PCDHA9: variants seen among roughly 807,000 people sequenced by gnomAD.
PCDHA9 encodes the protein protocadherin alpha-9.
A neutral mutation model predicts 62.0 loss-of-function variants in PCDHA9; 62 were observed. The ratio of observed to expected loss-of-function variants is 1.00; its 90% CI spans 0.81 to 1.23. The LOEUF is 1.23. PCDHA9 is among the 50% of genes most tolerant of loss of function. The pLI, the probability that PCDHA9 is intolerant of heterozygous loss-of-function variation, is 0.00. For synonymous variants in PCDHA9, 557 were observed against 567.6 expected (o/e 0.98, Z 0.27); for missense variants, 1,205 against 1,249.8 (o/e 0.96, Z 0.54).
intron 3 of PCDHA9, among the ~76,000 whole-genome samples, chr5:140,983,005 A>G (rs1468544114): frequency 2.0e-5 from 3 of 152,110 alleles, no homozygotes; most frequent in African/African-American, 4.8e-5. Flanking sequence ...AAAGAAAGAA[A>G]AAGGAAGGAA....
intron 1 of PCDHA9, chr5:140,870,983 C>T (rs1554164955): frequency 1.2e-6 from 2 of 1,613,520 alleles, no homozygotes; most frequent in East Asian, 2.2e-5. Context: ...GGGCTGTACA[C>T]GGGCGAGATA....
rs782552456 is a variant in PCDHA9, at chr5:140,870,511, G to T, written c.2394+19622G>T. On this transcript the variant is annotated intron_variant, in intron 1 of 3. Transcript: ENST00000532602. ...GTTCGTGAAGGAGAACAACCCACCA[G>T]GCTGCCACATCTTCACAGTGTCGGC... 9.9e-6 allele frequency: 16 copies of T among 1,614,242 alleles called. No homozygotes were observed. The highest frequency in any genetic ancestry group is 1.3e-5 in the Non-Finnish European group (15 of 1,180,048).
intron 1 of PCDHA9, among the ~76,000 whole-genome samples, chr5:140,894,577 T>A (rs1409232453): frequency 4.6e-5 from 7 of 152,030 alleles, no homozygotes; most frequent in African/African-American, 9.6e-5. Flanking sequence ...TCCTTTTTTT[T>A]AATATTTTAC....
chr5:140,996,678 G>T (rs922990686), intron 3 of PCDHA9, among the ~76,000 whole-genome samples: 28 of 152,162 alleles, frequency 1.8e-4, no homozygotes, highest in African/African-American at 6.7e-4. Context: ...AACCATGTTG[G>T]GCTAGTATTC....
intron 1 of PCDHA9, chr5:140,967,330 C>G: frequency 6.2e-7 from 1 of 1,608,074 alleles, no homozygotes; most frequent in South Asian, 1.1e-5. Context: ...ACGAGCTCAG[C>G]CCCAGCGAGC....
intron 1 of PCDHA9, among the ~76,000 whole-genome samples, chr5:140,878,864 A>G (rs1465235970): frequency 1.3e-5 from 2 of 152,152 alleles, no homozygotes; most frequent in Non-Finnish European, 2.9e-5. Flanking sequence ...CTGATCCTCC[A>G]TTTCAGCCTT....
In PCDHA9 at chr5:140,849,616, T is replaced by G; in HGVS notation, c.1121T>G (p.Val374Gly). The part of the protein sequence containing the change: ...QLGTVIALIS[V>G]IDLDADANGQ... ...GGGACAGTTATTGCCCTGATTAGTG[T>G]GATCGACCTAGACGCAGATGCCAAC... The change falls in exon 1 of 4, where the codon GTG (valine) becomes GGG (glycine). Residue 374 changes from valine to glycine, a missense_variant. Transcript: ENST00000532602. 1 of 1,598,694 alleles carries G rather than the reference T, an allele frequency of 6.3e-7. No individual in the cohort carries two copies. Among genetic ancestry groups the G allele is most frequent in the South Asian group, 1.1e-5 (1 of 90,564 alleles).
At chr5:140,869,179 G>A (rs782530772) in intron 1 of PCDHA9, 12 of 1,613,988 alleles carry the variant, frequency 7.4e-6, no homozygotes, top group Middle Eastern at 1.7e-4. Context: ...ATTCTGGGAG[G>A]TGGGGAGCGG....
At chr5:140,928,942 T>G in intron 1 of PCDHA9, 1 of 1,614,062 alleles carries the variant, frequency 6.2e-7, no homozygotes, top group Non-Finnish European at 8.5e-7. Flanking sequence ...GAACTTGTAT[T>G]TAGTAATTGC....
intron 1 of PCDHA9, among the ~76,000 whole-genome samples, chr5:140,910,781 A>G (rs1402088509): frequency 3.9e-5 from 6 of 152,220 alleles, no homozygotes; most frequent in Non-Finnish European, 8.8e-5. Flanking sequence ...AAGCTGCAAC[A>G]TTAAATGCAG....
chr5:140,871,561 T>C, intron 1 of PCDHA9: 1 of 1,485,946 alleles, frequency 6.7e-7, no homozygotes, highest in Non-Finnish European at 9.0e-7. Context: ...CAGTTTTTTT[T>C]CACGGATTTT....
chr5:140,883,071 A>T, intron 1 of PCDHA9: 1 of 1,614,116 alleles, frequency 6.2e-7, no homozygotes, highest in Non-Finnish European at 8.5e-7. Context: ...AATGCCACAG[A>T]TCCTGATGAT....
At chr5:140,858,437 G>C (rs1343643925) in intron 1 of PCDHA9, 1 of 1,541,950 alleles carries the variant, frequency 6.5e-7, no homozygotes, top group South Asian at 1.2e-5. Context: ...CTCTAGGAAG[G>C]TGGGTTATTA....
intron 1 of PCDHA9, among the ~76,000 whole-genome samples, chr5:140,963,211 G>A (rs185560728): frequency 0.016 from 2,496 of 152,042 alleles, 69 homozygotes; most frequent in African/African-American, 0.056. Flanking sequence ...AAAAAACCTC[G>A]TGTTTAGAGT....
At chr5:140,860,361 A>G (rs2046358077) in intron 1 of PCDHA9, 2 of 152,182 alleles carry the variant, frequency 1.3e-5, no homozygotes, top group African/African-American at 4.8e-5. Flanking sequence ...AGCCTGGATG[A>G]CAAAGTGAGA....
Position 140,848,760 on chromosome 5 carries a change from C to T in PCDHA9, c.265C>T (p.Arg89Trp), listed in dbSNP as rs2150419620. ...LQNGILFVNS[R>W]IDREELCGRS... Reference sequence around the variant, plus strand: ...GAATGGCATTTTGTTTGTGAATTCTCGGATCGACCGCGAGGAGCTGTGCGG... The same window carrying T: ...GAATGGCATTTTGTTTGTGAATTCTTGGATCGACCGCGAGGAGCTGTGCGG... The change falls in exon 1 of 4, where the codon CGG becomes TGG. Residue 89 changes from arginine to tryptophan, a missense_variant. Physicochemically the swap from Arg to Trp is moderately radical, Grantham distance 101. Around this residue, in one of 3 missense-constraint regions of PCDHA9, gnomAD observed 208 missense variants for 213.2 expected, o/e 0.98. Transcript: ENST00000532602. The T allele has an allele frequency of 6.3e-7, 1 of 1,593,332 alleles. No homozygotes were observed. Among genetic ancestry groups the T allele is most frequent in the South Asian group, 1.1e-5 (1 of 90,228 alleles).
chr5:140,869,327 T>A, intron 1 of PCDHA9: 1 of 1,613,922 alleles, frequency 6.2e-7, no homozygotes, highest in Middle Eastern at 1.7e-4. Context: ...GGGGACCTTC[T>A]GGAGGTAAAT....
At chr5:140,997,604 G>A (rs1271144424) in intron 3 of PCDHA9, among the ~76,000 whole-genome samples, 2 of 152,136 alleles carry the variant, frequency 1.3e-5, no homozygotes, top group East Asian at 1.9e-4. Flanking sequence ...ATTATGGGGC[G>A]CATGACTATA....
At chr5:140,934,926 G>C (rs1054459840) in intron 1 of PCDHA9, among the ~76,000 whole-genome samples, 1 of 152,116 alleles carries the variant, frequency 6.6e-6, no homozygotes, top group African/African-American at 2.4e-5. Flanking sequence ...TTCACATAAA[G>C]TTACAAAACT....
Sources: gnomAD v4.1 joint callset for allele counts (sites outside exome capture counted in the v4.1 genomes callset) on GRCh38, gnomAD v4.1.1 for gene constraint, gnomAD v4.1.1 regional missense constraint, MANE v1.5 for transcripts, NCBI Gene and HGNC (gene_info 2026-07-23, HGNC 2026-07-21) for gene names.